The following NAALADL2 variants were observed in gnomAD, a reference collection of about 807,000 sequenced individuals.
The protein encoded by NAALADL2 is inactive N-acetylated-alpha-linked acidic dipeptidase-like protein 2.
In NAALADL2, 76 loss-of-function variants were observed where a neutral mutation model predicts 87.2. The observed-to-expected ratio is 0.87, with a 90% CI of 0.72 to 1.05. The LOEUF (loss-of-function observed/expected upper bound fraction) is 1.05. NAALADL2 is among the 50% of genes least tolerant of loss of function. The probability of loss-of-function intolerance (pLI) is 0.00; values close to 1 mark genes in which losing one functional copy is unlikely to be tolerated. For missense variants in NAALADL2, 1,089 were observed against 945.8 expected, an observed-to-expected ratio of 1.15 and a Z score of -1.99; for synonymous variants, 354 against 331.0, an observed-to-expected ratio of 1.07 and a Z score of -0.75.
intron 3 of NAALADL2, among the ~76,000 whole-genome samples, chr3:174,817,199 A>C (rs1307355344): frequency 1.3e-5 from 2 of 152,216 alleles, no homozygotes; most frequent in Non-Finnish European, 1.5e-5. Flanking sequence ...AATAACCCAC[A>C]ATCTTAATAA....
rs1038630896 is a variant in NAALADL2 at position 174,998,711 on chromosome 3, T to C, written c.44-98079T>C. ...AAAAGTGAGCCATTGTTTCAGCACA[T>C]AGGAAACTCATCTTAGGCCAGAATT... is the stretch of plus-strand genomic sequence containing the variant. On this transcript the variant is annotated intron_variant, in intron 1 of 13. Coordinates refer to ENST00000454872, the MANE Select transcript of NAALADL2 (RefSeq NM_207015.3). 3.3e-5 allele frequency among the ~76,000 whole-genome samples: 5 copies of C among 152,302 alleles called. No individual in the cohort carries two copies. The East Asian group carries it at 9.6e-4, about 29-fold the overall frequency.
rs939696456 is a variant in NAALADL2 at position 174,930,966 on chromosome 3, A to G, written c.43+71516A>G. 2.6e-5 allele frequency among the ~76,000 whole-genome samples: 4 copies of G among 151,848 alleles called. No homozygotes were observed. The East Asian group carries it at 7.7e-4, about 29-fold the overall frequency. On this transcript the variant is annotated intron_variant, in intron 1 of 13. Coordinates refer to ENST00000454872, the MANE Select transcript of NAALADL2 (RefSeq NM_207015.3). ...CTATTTGTATATATCCCATATTATG[A>G]TTGAACTAAGTAGAATCACTTTTTA...
chr3:175,014,480 G>T (rs73032313), intron 1 of NAALADL2, among the ~76,000 whole-genome samples: 4,257 of 152,018 alleles, frequency 0.028, 199 homozygotes, highest in African/African-American at 0.097. Context: ...TGACTATTTT[G>T]TTCCATAATG....
chr3:175,783,679 T>C (rs922203557), intron 13 of NAALADL2, among the ~76,000 whole-genome samples: 2 of 151,816 alleles, frequency 1.3e-5, no homozygotes, highest in African/African-American at 4.9e-5. Flanking sequence ...CTTTTCCTAA[T>C]TGAATACCCT....
chr3:174,915,528 A>G lies in NAALADL2; in HGVS notation c.43+56078A>G, dbSNP rs894538461. On this transcript the variant is annotated intron_variant, in intron 1 of 13. Transcript: ENST00000454872. ...GTTCTCTGGTTCTAAGACTCATTCT[A>G]TTGATGGATATGTTAGAGGTTCAAG... 3.3e-5 allele frequency among the ~76,000 whole-genome samples: 5 copies of G among 152,134 alleles called. No individual in the cohort carries two copies. The East Asian group carries it at 9.6e-4, about 29-fold the overall frequency.
intron 2 of NAALADL2, among the ~76,000 whole-genome samples, chr3:175,126,026 G>A (rs1726891787): frequency 6.6e-6 from 1 of 152,088 alleles, no homozygotes; most frequent in Non-Finnish European, 1.5e-5. Flanking sequence ...AGTATGTAGT[G>A]TTCAACTTTG....
At chr3:174,746,907 C>G (rs1172497626) in intron 3 of NAALADL2, among the ~76,000 whole-genome samples, 2 of 152,124 alleles carry the variant, frequency 1.3e-5, no homozygotes, top group Non-Finnish European at 2.9e-5. Context: ...CCCTTCCTTA[C>G]AGCTTATACA....
At chr3:175,671,709 A>G (rs927214936) in intron 11 of NAALADL2, among the ~76,000 whole-genome samples, 1 of 152,030 alleles carries the variant, frequency 6.6e-6, no homozygotes, top group African/African-American at 2.4e-5. Context: ...ACCTCTTGTT[A>G]AGTCATATTA....
intron 12 of NAALADL2, among the ~76,000 whole-genome samples, chr3:175,752,619 TAC>T (rs1300955852): frequency 6.6e-6 from 1 of 152,150 alleles, no homozygotes; most frequent in Non-Finnish European, 1.5e-5. Context: ...AAGTAATGCA[TAC>T]AGTGTGTTGT....
chr3:175,786,791 C>A (rs943835420), intron 13 of NAALADL2, among the ~76,000 whole-genome samples: 5 of 152,048 alleles, frequency 3.3e-5, no homozygotes, highest in Non-Finnish European at 5.9e-5. Context: ...AGGCGCTCTG[C>A]GTTTTAGAGT....
At chr3:175,053,356 T>C (rs965651182) in intron 1 of NAALADL2, among the ~76,000 whole-genome samples, 3 of 152,218 alleles carry the variant, frequency 2.0e-5, no homozygotes, top group African/African-American at 7.2e-5. Flanking sequence ...TGTCCCGCTT[T>C]CCTCAGGTTT....
intron 1 of NAALADL2, among the ~76,000 whole-genome samples, chr3:174,480,190 CA>C (rs1334723261): frequency 2.0e-5 from 3 of 152,072 alleles, no homozygotes; most frequent in Admixed American, 2.0e-4. Context: ...GAGAAACAAG[CA>C]AACGCTAAAC....
intron 2 of NAALADL2, among the ~76,000 whole-genome samples, chr3:174,716,024 A>C (rs1731150169): frequency 6.6e-6 from 1 of 152,070 alleles, no homozygotes; most frequent in South Asian, 2.1e-4. Context: ...CATGCATCTT[A>C]CTTTCAATAG....
intron 12 of NAALADL2, among the ~76,000 whole-genome samples, chr3:175,744,161 T>C (rs1259789711): frequency 6.6e-6 from 1 of 152,188 alleles, no homozygotes; most frequent in Non-Finnish European, 1.5e-5. Flanking sequence ...TTAATAACCC[T>C]TTCTTTAATA....
chr3:174,490,648 C>G (rs1028469042), intron 1 of NAALADL2, among the ~76,000 whole-genome samples: 3 of 151,754 alleles, frequency 2.0e-5, no homozygotes, highest in African/African-American at 7.3e-5. Flanking sequence ...ACAAATGGAG[C>G]GTGTAGAGGA....
chr3:174,985,597 A>G (rs989814161), intron 1 of NAALADL2, among the ~76,000 whole-genome samples: 7 of 152,132 alleles, frequency 4.6e-5, no homozygotes, highest in South Asian at 4.1e-4. Context: ...ATAAAAGCAG[A>G]AGGCCATCAA....
At chr3:174,933,521 C>T (rs1183880935) in intron 1 of NAALADL2, among the ~76,000 whole-genome samples, 1 of 152,070 alleles carries the variant, frequency 6.6e-6, no homozygotes, top group Admixed American at 6.6e-5. Flanking sequence ...GGTTTTAGAC[C>T]AACTATGTTG....
intron 3 of NAALADL2, among the ~76,000 whole-genome samples, chr3:174,784,640 T>C (rs1483144528): frequency 6.6e-6 from 1 of 152,230 alleles, no homozygotes; most frequent in Non-Finnish European, 1.5e-5. Context: ...TAGTAAATAC[T>C]GGAGGGTTCA....
chr3:174,503,733 T>G (rs1019486437), intron 1 of NAALADL2, among the ~76,000 whole-genome samples: 2 of 152,160 alleles, frequency 1.3e-5, no homozygotes, highest in African/African-American at 4.8e-5. Context: ...GGTAGACATT[T>G]CACTTGGTTG....
Sources: gnomAD v4.1 joint callset for allele counts (sites outside exome capture counted in the v4.1 genomes callset) on GRCh38, gnomAD v4.1.1 for gene constraint, MANE v1.5 for transcripts, NCBI Gene and HGNC (gene_info 2026-07-23, HGNC 2026-07-21) for gene names.